The following PRKCB variants were observed in gnomAD, a reference collection of about 807,000 sequenced individuals.
The protein encoded by PRKCB is protein kinase C beta type.
PRKCB carries 13 observed loss-of-function variants against 81.5 expected under a neutral mutation model. The observed-to-expected ratio is 0.16, with a 90% CI of 0.10 to 0.25. The LOEUF (loss-of-function observed/expected upper bound fraction) is 0.25. PRKCB is among the 10% of genes least tolerant of loss of function. The pLI is 1.00. For missense variants in PRKCB, 509 were observed against 875.7 expected (o/e 0.58, Z 5.29); for synonymous variants, 335 against 321.4 (o/e 1.04, Z -0.45).
In PRKCB at chr16:24,216,607, G is replaced by A; in HGVS notation, c.*1791G>A. 2 of 985,466 alleles carry A rather than the reference G, an allele frequency of 2.0e-6. No homozygotes were observed. Among genetic ancestry groups the A allele is most frequent in the South Asian group, 4.7e-5 (1 of 21,292 alleles). 61.0% of individuals were successfully genotyped at this position (985,466 alleles called of 1,614,324 possible). A position where few individuals can be genotyped will look rare whatever the true frequency, so the allele number is the denominator to read the frequency against. ...TCATCTTTAGGGAAAAATGGGGTTT[G>A]GATTTCTGCTTAGGCAAAGTCTCCT... On this transcript the variant is annotated 3_prime_UTR_variant, in exon 17 of 17. Transcript: ENST00000643927.
At chr16:24,001,287 T>C (rs969290519) in intron 3 of PRKCB, among the ~76,000 whole-genome samples, 1 of 152,250 alleles carries the variant, frequency 6.6e-6, no homozygotes, top group African/African-American at 2.4e-5. Context: ...TAATTTCTTA[T>C]GATTTATAGT....
At chr16:24,045,841 C>G (rs1043363516) in intron 5 of PRKCB, among the ~76,000 whole-genome samples, 3 of 152,254 alleles carry the variant, frequency 2.0e-5, no homozygotes, top group African/African-American at 7.2e-5. Context: ...AAGAATGTGT[C>G]TTTTCCACTA....
At chr16:24,045,205 T>C (rs1045027705) in intron 5 of PRKCB, among the ~76,000 whole-genome samples, 4 of 151,932 alleles carry the variant, frequency 2.6e-5, no homozygotes, top group African/African-American at 9.7e-5. Flanking sequence ...AATGAATGGA[T>C]AATGCCCCAA....
Position 24,219,906 on chromosome 16 carries a change from G to A in PRKCB, c.*5090G>A, listed in dbSNP as rs1968295653. On this transcript the variant is annotated 3_prime_UTR_variant, in exon 17 of 17. Transcript: ENST00000643927. ...AGCCACCCAATGACTGGCGTATCTT[G>A]GTCCTGTGTCTTTCTTCTTACGCTG... is the stretch of plus-strand genomic sequence containing the variant. 1 of 1,590,234 alleles carries A rather than the reference G, an allele frequency of 6.3e-7. No individual in the cohort carries two copies. Among genetic ancestry groups the A allele is most frequent in the Admixed American group, 1.7e-5 (1 of 57,282 alleles).
At chr16:23,848,395 C>T (rs1273525123) in intron 2 of PRKCB, among the ~76,000 whole-genome samples, 1 of 152,130 alleles carries the variant, frequency 6.6e-6, no homozygotes, top group East Asian at 1.9e-4. Flanking sequence ...GGGTGCCTTA[C>T]CGGAGCACCT....
At chr16:23,945,433 T>TA (rs1964192775) in intron 2 of PRKCB, among the ~76,000 whole-genome samples, 1 of 152,230 alleles carries the variant, frequency 6.6e-6, no homozygotes. Context: ...CTTTTTCTGA[T>TA]ATGATGAATG....
At chr16:23,994,110 A>G (rs912315211) in intron 3 of PRKCB, among the ~76,000 whole-genome samples, 2 of 152,192 alleles carry the variant, frequency 1.3e-5, no homozygotes, top group Non-Finnish European at 2.9e-5. Flanking sequence ...ACTGCTTTTT[A>G]TCAGGATAAC....
chr16:24,149,049 A>G (rs1332102000), intron 9 of PRKCB, among the ~76,000 whole-genome samples: 1 of 152,178 alleles, frequency 6.6e-6, no homozygotes, highest in African/African-American at 2.4e-5. Context: ...TTTTTCCTGC[A>G]CTGGCTGGAG....
chr16:24,196,365 G>A (rs1339581048), intron 16 of PRKCB, among the ~76,000 whole-genome samples: 1 of 152,202 alleles, frequency 6.6e-6, no homozygotes, highest in Non-Finnish European at 1.5e-5. Context: ...TGGTTGTTGT[G>A]TAAGTTACTA....
chr16:24,051,064 A>G (rs1171090279), intron 5 of PRKCB, among the ~76,000 whole-genome samples: 1 of 152,032 alleles, frequency 6.6e-6, no homozygotes, highest in Non-Finnish European at 1.5e-5. Context: ...TGTCTTCCGG[A>G]CATCACCTTC....
At chr16:23,855,928 G>T (rs1962558482) in intron 2 of PRKCB, among the ~76,000 whole-genome samples, 2 of 152,204 alleles carry the variant, frequency 1.3e-5, no homozygotes, top group African/African-American at 4.8e-5. Flanking sequence ...GCAGCTGGGG[G>T]AATGAGTGCC....
rs537229909 is a variant in PRKCB, at chr16:23,896,549, G to A, written c.205+59143G>A. 3.9e-5 allele frequency among the ~76,000 whole-genome samples: 6 copies of A among 152,196 alleles called. No individual in the cohort carries two copies. The South Asian group carries it at 1.0e-3, about 26-fold the overall frequency. ...GGGTCTCAAGGAGAGATTAGTGAAC[G>A]TGCATGTGAGTATCTATTTAGCAAG... is the stretch of plus-strand genomic sequence containing the variant. On this transcript the variant is annotated intron_variant, in intron 2 of 16. Transcript: ENST00000643927.
At chr16:24,171,725 G>A (rs1016288355) in intron 10 of PRKCB, among the ~76,000 whole-genome samples, 7 of 151,698 alleles carry the variant, frequency 4.6e-5, no homozygotes, top group African/African-American at 1.7e-4. Flanking sequence ...ATATAAACTT[G>A]TAATTATTAT....
chr16:24,174,459 TG>T, intron 11 of PRKCB, 58 bp from the exon 12 acceptor site: 1 of 1,474,308 alleles, frequency 6.8e-7, no homozygotes, highest in Non-Finnish European at 9.4e-7. Flanking sequence ...TTCTGAGCAT[TG>T]CCAAGCATAT....
intron 1 of PRKCB, among the ~76,000 whole-genome samples, chr16:23,836,623 G>T (rs1258686431): frequency 1.3e-5 from 2 of 151,888 alleles, no homozygotes; most frequent in Admixed American, 1.3e-4. Flanking sequence ...CGGCGTCGCG[G>T]GAGCCTTTGC....
chr16:23,906,597 A>G (rs994921927), intron 2 of PRKCB, among the ~76,000 whole-genome samples: 1 of 152,104 alleles, frequency 6.6e-6, no homozygotes, highest in Non-Finnish European at 1.5e-5. Flanking sequence ...ACTCAATGAG[A>G]TTATAGAGGA....
At chr16:24,090,016 A>T (rs910556784) in intron 5 of PRKCB, among the ~76,000 whole-genome samples, 1 of 152,204 alleles carries the variant, frequency 6.6e-6, no homozygotes, top group African/African-American at 2.4e-5. Context: ...GCTTGGTAAG[A>T]TGCGGACCCT....
At chr16:24,167,471 G>T (rs1363612800) in intron 10 of PRKCB, among the ~76,000 whole-genome samples, 13 of 152,126 alleles carry the variant, frequency 8.5e-5, no homozygotes, top group Admixed American at 3.3e-4. Context: ...GAGACAGGAG[G>T]ATTACTTGAG....
At chr16:23,877,543 A>T (rs1963035263) in intron 2 of PRKCB, among the ~76,000 whole-genome samples, 1 of 152,156 alleles carries the variant, frequency 6.6e-6, no homozygotes, top group African/African-American at 2.4e-5. Flanking sequence ...AGTCGGCCTC[A>T]ACCTGAAGCC....
Sources: gnomAD v4.1 joint callset for allele counts (sites outside exome capture counted in the v4.1 genomes callset) on GRCh38, gnomAD v4.1.1 for gene constraint, MANE v1.5 for transcripts, NCBI Gene and HGNC (gene_info 2026-07-23, HGNC 2026-07-21) for gene names.